Variants in PIAS1 observed in about 807,000 individuals in gnomAD.
PIAS1 encodes E3 SUMO-protein ligase PIAS1.
In PIAS1, 6 loss-of-function variants were observed where a neutral mutation model predicts 71.3. That is an observed-to-expected ratio of 0.08 (90% CI 0.05 to 0.17). PIAS1 has a LOEUF of 0.17. PIAS1 is among the 10% of genes least tolerant of loss of function. The pLI, the probability that PIAS1 is intolerant of heterozygous loss-of-function variation, is 1.00. For synonymous variants in PIAS1, 303 were observed against 292.9 expected, an observed-to-expected ratio of 1.03 and a Z score of -0.35; for missense variants, 555 against 793.6, an observed-to-expected ratio of 0.70 and a Z score of 3.61.
chr15:68,168,382 G>A (rs2092970140), intron 8 of PIAS1, among the ~76,000 whole-genome samples: 2 of 152,074 alleles, frequency 1.3e-5, no homozygotes, highest in South Asian at 4.2e-4. Flanking sequence ...CATTTTTAGG[G>A]CTTTTTAAAA....
chr15:68,152,245 G>A (rs953925920), intron 6 of PIAS1, among the ~76,000 whole-genome samples: 5 of 151,942 alleles, frequency 3.3e-5, no homozygotes, highest in African/African-American at 9.7e-5. Context: ...CCCTGCTCCC[G>A]GCTGGGAAAG....
chr15:68,180,719 A>G (rs976101014), intron 11 of PIAS1, among the ~76,000 whole-genome samples: 4 of 152,190 alleles, frequency 2.6e-5, no homozygotes, highest in Admixed American at 2.6e-4. Flanking sequence ...AAAGATTACA[A>G]TCTGAGGGGC....
At chr15:68,168,725 A>G (rs956082068) in intron 8 of PIAS1, among the ~76,000 whole-genome samples, 2 of 152,300 alleles carry the variant, frequency 1.3e-5, no homozygotes, top group Admixed American at 6.5e-5. Context: ...TAGTTATTTT[A>G]TGATTCTAAG....
rs752416090 is a variant in PIAS1, at chr15:68,176,623, C to G, written c.1450C>G (p.Leu484Val). Reference protein sequence around the residue: ...EPSAKRTCPSLSPTSPLNNKG... With the variant: ...EPSAKRTCPSVSPTSPLNNKG... ...ATCTGCCAAGAGGACCTGTCCTTCC[C>G]TATCTCCCACATCACCACTAAATAA... Residue 484 changes from leucine to valine, a missense_variant, in exon 11 of 14, where the codon CTA (leucine) becomes GTA (valine). By Grantham distance (32) the Leu-to-Val change is conservative. Around this residue, in one of 5 missense-constraint regions of PIAS1, gnomAD observed 244 missense variants for 307.5 expected, o/e 0.79. Transcript: ENST00000249636. 1 of 1,606,020 alleles carries G rather than the reference C, an allele frequency of 6.2e-7. No individual in the cohort carries two copies. Among genetic ancestry groups the G allele is most frequent in the Non-Finnish European group, 8.5e-7 (1 of 1,176,576 alleles).
chr15:68,127,048 A>G (rs1311655929), intron 2 of PIAS1, among the ~76,000 whole-genome samples: 1 of 152,004 alleles, frequency 6.6e-6, no homozygotes, highest in Non-Finnish European at 1.5e-5. Context: ...CTCCTGCCTC[A>G]GGCTCCCGAG....
intron 7 of PIAS1, chr15:68,154,092 G>A (rs2092869591): frequency 6.2e-6 from 1 of 160,584 alleles, no homozygotes; most frequent in African/African-American, 2.4e-5. Context: ...CAGTGGGGTG[G>A]TAGAAATAAT....
At chr15:68,083,417 C>T (rs1445561574) in intron 1 of PIAS1, among the ~76,000 whole-genome samples, 1 of 152,112 alleles carries the variant, frequency 6.6e-6, no homozygotes, top group Non-Finnish European at 1.5e-5. Flanking sequence ...CAATAGATAG[C>T]ACCTGATTTT....
At chr15:68,060,002 G>A (rs1053716335) in intron 1 of PIAS1, among the ~76,000 whole-genome samples, 1 of 152,102 alleles carries the variant, frequency 6.6e-6, no homozygotes, top group Admixed American at 6.6e-5. Context: ...TATTGTTTAT[G>A]TTTCTGTAAT....
intron 2 of PIAS1, among the ~76,000 whole-genome samples, chr15:68,130,826 C>A (rs181308984): frequency 6.6e-6 from 1 of 152,026 alleles, no homozygotes; most frequent in East Asian, 1.9e-4. Flanking sequence ...GATATATATC[C>A]TCTATCCAGA....
intron 7 of PIAS1, among the ~76,000 whole-genome samples, chr15:68,156,693 A>G (rs1023103663): frequency 5.4e-5 from 8 of 149,246 alleles, no homozygotes; most frequent in Non-Finnish European, 7.4e-5. Context: ...TGGGCAACAG[A>G]GAGAGACACT....
chr15:68,076,164 T>A (rs933897553), intron 1 of PIAS1, among the ~76,000 whole-genome samples: 1 of 152,158 alleles, frequency 6.6e-6, no homozygotes, highest in African/African-American at 2.4e-5. Context: ...GACTGAAATA[T>A]GATAACCTTA....
chr15:68,136,665 AAATT>A (rs551062869), intron 2 of PIAS1, among the ~76,000 whole-genome samples: 154 of 152,268 alleles, frequency 1.0e-3, no homozygotes, highest in African/African-American at 3.6e-3. Context: ...ATAAGCCAAA[AAATT>A]AATTGTGTAT....
intron 2 of PIAS1, among the ~76,000 whole-genome samples, chr15:68,098,242 G>A (rs538610723): frequency 1.6e-4 from 25 of 152,210 alleles, no homozygotes; most frequent in African/African-American, 3.9e-4. Context: ...TGATTAACAC[G>A]TATTTTGTAT....
intron 12 of PIAS1, 115 bp downstream of exon 12, chr15:68,181,469 G>A (rs1482468160): frequency 2.1e-6 from 2 of 949,104 alleles, no homozygotes; most frequent in African/African-American, 3.3e-5. Flanking sequence ...ACAGGGCCTT[G>A]GACCCAGGGA....
Position 68,171,572 on chromosome 15 carries a change from C to T in PIAS1, c.1009-2160C>T, listed in dbSNP as rs764724915. Among the ~76,000 whole-genome samples the T allele has an allele frequency of 2.6e-5, 4 of 152,158 alleles. No homozygotes were observed. Among genetic ancestry groups the T allele is most frequent in the Non-Finnish European group, 4.4e-5 (3 of 68,026 alleles). On this transcript the variant is annotated intron_variant, in intron 8 of 13. Transcript: ENST00000249636. The surrounding 1 kb of genome is among the most constrained non-coding windows in gnomAD (Gnocchi z 4.4). ...TTACTCTAGGTCCCTCCAGGTTATA[C>T]TTCTGATACTGTAAACTGGCATTGC... is the stretch of plus-strand genomic sequence containing the variant.
chr15:68,161,964 G>A (rs1005815111), intron 7 of PIAS1, among the ~76,000 whole-genome samples: 20 of 151,576 alleles, frequency 1.3e-4, no homozygotes, highest in Admixed American at 4.6e-4. Flanking sequence ...TGTTGAGACA[G>A]GATCTCACTC....
chr15:68,117,009 CAT>C (rs1157741194), intron 2 of PIAS1, among the ~76,000 whole-genome samples: 1 of 152,166 alleles, frequency 6.6e-6, no homozygotes, highest in Non-Finnish European at 1.5e-5. Flanking sequence ...AGGCCTTAAA[CAT>C]TCATTGTCTG....
chr15:68,082,005 A>G (rs1025896660), intron 1 of PIAS1, among the ~76,000 whole-genome samples: 3 of 152,134 alleles, frequency 2.0e-5, no homozygotes, highest in Admixed American at 6.5e-5. Flanking sequence ...ATAGTTGACT[A>G]TGAAGGATTA....
At chr15:68,132,090 G>T (rs187627112) in intron 2 of PIAS1, among the ~76,000 whole-genome samples, 22 of 151,822 alleles carry the variant, frequency 1.4e-4, no homozygotes, top group Non-Finnish European at 2.4e-4. Flanking sequence ...CCTAGAGGTA[G>T]TTACTAATAA....
Sources: gnomAD v4.1 joint callset for allele counts (sites outside exome capture counted in the v4.1 genomes callset) on GRCh38, gnomAD v4.1.1 for gene constraint, gnomAD v4.1.1 regional missense constraint, Gnocchi (gnomAD v3.1) non-coding constraint, MANE v1.5 for transcripts, NCBI Gene and HGNC (gene_info 2026-07-23, HGNC 2026-07-21) for gene names.